ZNF827: variants seen among roughly 807,000 people sequenced by gnomAD.
ZNF827 encodes zinc finger protein 827.
In ZNF827, 13 loss-of-function variants were observed where a neutral mutation model predicts 102.4. The ratio of observed to expected loss-of-function variants is 0.13; its 90% CI spans 0.08 to 0.20. ZNF827 has a LOEUF of 0.20. Among genes scored for constraint, ZNF827 ranks in the 10% least tolerant of loss-of-function variants. ZNF827 has a pLI of 1.00. For missense variants in ZNF827, 1,103 were observed against 1,344.4 expected, an observed-to-expected ratio of 0.82 and a Z score of 2.81; for synonymous variants, 523 against 536.2, an observed-to-expected ratio of 0.98 and a Z score of 0.34.
At chr4:145,780,403 A>G (rs1019610885) in intron 8 of ZNF827, among the ~76,000 whole-genome samples, 28 of 152,244 alleles carry the variant, frequency 1.8e-4, no homozygotes, top group African/African-American at 6.3e-4. Flanking sequence ...TGTGCCACAG[A>G]AAATTCCCTA....
chr4:145,772,893 G>A (rs991156566), intron 11 of ZNF827, among the ~76,000 whole-genome samples: 10 of 152,180 alleles, frequency 6.6e-5, no homozygotes, highest in Admixed American at 2.0e-4. Context: ...TGGTAATTAC[G>A]AGGTATGTGT....
chr4:145,788,975 G>A (rs1373474967), intron 8 of ZNF827, among the ~76,000 whole-genome samples: 2 of 152,132 alleles, frequency 1.3e-5, no homozygotes, highest in East Asian at 1.9e-4. Flanking sequence ...AAAAACATAC[G>A]TTCCTTACTA....
At chr4:145,805,799 C>T (rs1009852132) in intron 8 of ZNF827, among the ~76,000 whole-genome samples, 1 of 152,102 alleles carries the variant, frequency 6.6e-6, no homozygotes, top group African/African-American at 2.4e-5. Flanking sequence ...CGCGGTCAAG[C>T]TCACCCTGAC....
At chr4:145,813,375 A>G (rs1742238502) in intron 8 of ZNF827, among the ~76,000 whole-genome samples, 2 of 152,316 alleles carry the variant, frequency 1.3e-5, no homozygotes, top group Non-Finnish European at 2.9e-5. Flanking sequence ...GTTCTATTTC[A>G]TTATTATTGT....
At chr4:145,869,357 G>T (rs1228543001) in intron 5 of ZNF827, among the ~76,000 whole-genome samples, 1 of 152,160 alleles carries the variant, frequency 6.6e-6, no homozygotes, top group Non-Finnish European at 1.5e-5. Flanking sequence ...TCTCTCTAAT[G>T]CATTTCTTGC....
At chr4:145,828,937 G>C (rs1007517120) in intron 7 of ZNF827, among the ~76,000 whole-genome samples, 1 of 152,220 alleles carries the variant, frequency 6.6e-6, no homozygotes, top group African/African-American at 2.4e-5. Context: ...CCAACAGAGA[G>C]TTTTGTCTCA....
chr4:145,796,623 C>CTTTT (rs34553120), intron 8 of ZNF827, among the ~76,000 whole-genome samples: 81 of 113,906 alleles, frequency 7.1e-4, no homozygotes, highest in Non-Finnish European at 9.9e-4. Context: ...ATTTGTTCCT[C>CTTTT]TTTTTTTTTT....
chr4:145,799,062 C>T (rs1307883642), intron 8 of ZNF827, among the ~76,000 whole-genome samples: 1 of 152,198 alleles, frequency 6.6e-6, no homozygotes, highest in African/African-American at 2.4e-5. Flanking sequence ...TCTACTGGTT[C>T]GTGCCCACAT....
intron 1 of ZNF827, among the ~76,000 whole-genome samples, chr4:145,928,716 A>G (rs1237554877): frequency 6.6e-6 from 1 of 152,250 alleles, no homozygotes; most frequent in African/African-American, 2.4e-5. Context: ...TGATACTGCC[A>G]TCAAATGTGC....
intron 1 of ZNF827, among the ~76,000 whole-genome samples, chr4:145,925,932 CA>C (rs1357639037): frequency 1.3e-5 from 2 of 152,182 alleles, no homozygotes; most frequent in African/African-American, 2.4e-5. Flanking sequence ...ATTTATTCAA[CA>C]AGTCTTATAA....
intron 8 of ZNF827, among the ~76,000 whole-genome samples, chr4:145,783,677 G>T (rs918883984): frequency 1.3e-5 from 2 of 152,234 alleles, no homozygotes; most frequent in Non-Finnish European, 2.9e-5. Context: ...CTGTTAAAAT[G>T]AAGGATATAC....
chr4:145,937,841 C>G (rs920290466), intron 1 of ZNF827, among the ~76,000 whole-genome samples: 14 of 151,018 alleles, frequency 9.3e-5, no homozygotes, highest in Non-Finnish European at 1.6e-4. Context: ...TACCCGGCGG[C>G]TGCTGCGCGC....
chr4:145,853,633 T>C (rs948183477), intron 5 of ZNF827, among the ~76,000 whole-genome samples: 7 of 152,036 alleles, frequency 4.6e-5, no homozygotes, highest in Non-Finnish European at 1.0e-4. Flanking sequence ...AACTACAAGA[T>C]ATTTCAGAGG....
intron 4 of ZNF827, among the ~76,000 whole-genome samples, chr4:145,879,025 C>A (rs1749438434): frequency 6.6e-6 from 1 of 152,012 alleles, no homozygotes; most frequent in Admixed American, 6.5e-5. Flanking sequence ...AGATTAGTGA[C>A]TGAAAGTGCA....
At chr4:145,856,720 CACA>C (rs1561005107) in intron 5 of ZNF827, among the ~76,000 whole-genome samples, 19 of 138,574 alleles carry the variant, frequency 1.4e-4, no homozygotes, top group African/African-American at 2.8e-4. Flanking sequence ...CACACACACA[CACA>C]CCCCATTTCA....
Position 145,930,864 on chromosome 4 carries a change from T to C in ZNF827, c.43+7501A>G, listed in dbSNP as rs916731234. On this transcript the variant is annotated intron_variant, in intron 1 of 14. Transcript: ENST00000508784. ...GTGTGTGTGTGTGTGCGCGCGCATG[T>C]GTGTACATGCAGTGAAGCTAACTTT... Among the ~76,000 whole-genome samples the C allele has an allele frequency of 1.0e-3, 154 of 152,144 alleles. 1 individual carries two copies. The highest frequency in any genetic ancestry group is 5.9e-5 in the Non-Finnish European group (4 of 67,990).
intron 8 of ZNF827, among the ~76,000 whole-genome samples, chr4:145,814,179 T>C (rs1018850669): frequency 6.6e-6 from 1 of 152,186 alleles, no homozygotes; most frequent in African/African-American, 2.4e-5. Flanking sequence ...TATCTATCTA[T>C]CTAGATATAA....
At chr4:145,906,763 T>C (rs1371235218) in intron 1 of ZNF827, among the ~76,000 whole-genome samples, 2 of 152,258 alleles carry the variant, frequency 1.3e-5, no homozygotes, top group Non-Finnish European at 2.9e-5. Flanking sequence ...AAAGTATTTC[T>C]TAAACAGAAC....
intron 1 of ZNF827, among the ~76,000 whole-genome samples, chr4:145,912,172 A>G (rs1276812325): frequency 1.3e-5 from 2 of 152,226 alleles, no homozygotes; most frequent in African/African-American, 4.8e-5. Flanking sequence ...ATTTAATTTG[A>G]TGGGATTTAA....
Sources: gnomAD v4.1 joint callset for allele counts (sites outside exome capture counted in the v4.1 genomes callset) on GRCh38, gnomAD v4.1.1 for gene constraint, MANE v1.5 for transcripts, NCBI Gene and HGNC (gene_info 2026-07-23, HGNC 2026-07-21) for gene names.